Variants in PTPRJ observed in about 807,000 individuals in gnomAD.
PTPRJ encodes the protein protein tyrosine phosphatase receptor type J.
Under a neutral mutation model 141.3 loss-of-function variants are expected in PTPRJ, and 129 were observed. The observed-to-expected ratio is 0.91, with a 90% CI of 0.79 to 1.06. The LOEUF (loss-of-function observed/expected upper bound fraction) is 1.06. Among genes scored for constraint, PTPRJ ranks in the 50% least tolerant of loss-of-function variants. PTPRJ has a pLI of 0.00. For missense variants in PTPRJ, 1,601 were observed against 1,679.7 expected (o/e 0.95, Z 0.82); for synonymous variants, 610 against 640.5 (o/e 0.95, Z 0.72).
chr11:48,127,235 G>C (rs575733669), intron 6 of PTPRJ, among the ~76,000 whole-genome samples: 1 of 152,338 alleles, frequency 6.6e-6, no homozygotes, highest in South Asian at 2.1e-4. Context: ...GGGTGGAGTG[G>C]GCAGGTGGTG....
intron 8 of PTPRJ, chr11:48,132,624 A>G: frequency 1.1e-6 from 1 of 907,476 alleles, no homozygotes; most frequent in Non-Finnish European, 1.3e-6. Context: ...GCACACCAAC[A>G]TGGCACATGT....
In PTPRJ at chr11:48,127,853, C is replaced by A. The variant is rs766972348; in HGVS notation, c.1167C>A (p.Ser389Arg). The part of the protein sequence containing the change: ...ATSLTLIWKV[S>R]DNESSSNYTY... ...GCCTGACCCTGATCTGGAAAGTCAGCGATAACGAGTCGTCATCTAACTATA... is the reference window on the plus strand; with the variant it reads ...GCCTGACCCTGATCTGGAAAGTCAGAGATAACGAGTCGTCATCTAACTATA... The change falls in exon 7 of 25, where the codon AGC (serine) becomes AGA (arginine). Residue 389 changes from serine to arginine, a missense_variant. By Grantham distance (110) the Ser-to-Arg change is moderately radical. Transcript: ENST00000418331. 1 of 1,614,074 alleles carries A rather than the reference C, an allele frequency of 6.2e-7. No individual in the cohort carries two copies. The highest frequency in any genetic ancestry group is 8.5e-7 in the Non-Finnish European group (1 of 1,179,946).
intron 1 of PTPRJ, among the ~76,000 whole-genome samples, chr11:48,075,142 T>C (rs1565289871): frequency 6.6e-6 from 1 of 152,024 alleles, no homozygotes; most frequent in Non-Finnish European, 1.5e-5. Context: ...TTTATTTAGT[T>C]AGTTAGTTAG....
chr11:48,110,783 C>A (rs905375884), intron 2 of PTPRJ, among the ~76,000 whole-genome samples: 1 of 152,134 alleles, frequency 6.6e-6, no homozygotes, highest in Admixed American at 6.5e-5. Flanking sequence ...GAAAATGAGA[C>A]CTGGACTCCC....
chr11:48,052,008 A>T (rs1854583573), intron 1 of PTPRJ, among the ~76,000 whole-genome samples: 1 of 152,210 alleles, frequency 6.6e-6, no homozygotes, highest in South Asian at 2.1e-4. Context: ...GACAATAAAG[A>T]TCGATGATGA....
chr11:48,105,026 A>G (rs1295319393), intron 1 of PTPRJ, among the ~76,000 whole-genome samples: 1 of 152,148 alleles, frequency 6.6e-6, no homozygotes, highest in Non-Finnish European at 1.5e-5. Context: ...GAGATGATAA[A>G]TACAACATCT....
intron 1 of PTPRJ, among the ~76,000 whole-genome samples, chr11:48,088,153 A>C (rs1855765800): frequency 6.6e-6 from 1 of 152,158 alleles, no homozygotes; most frequent in African/African-American, 2.4e-5. Context: ...TGCTGTGTAC[A>C]CGCTTGGTCA....
intron 1 of PTPRJ, among the ~76,000 whole-genome samples, chr11:48,030,212 G>A (rs1853942698): frequency 6.6e-6 from 1 of 152,214 alleles, no homozygotes; most frequent in Non-Finnish European, 1.5e-5. Flanking sequence ...TTGGGCTTAT[G>A]TTACTTAGGA....
intron 4 of PTPRJ, 140 bp downstream of exon 4, chr11:48,121,406 C>A: frequency 2.1e-6 from 2 of 961,538 alleles, no homozygotes; most frequent in East Asian, 2.6e-5. Flanking sequence ...TATGTTGTTT[C>A]AAGCCTGGGA....
chr11:48,063,306 C>CA (rs1415754601), intron 1 of PTPRJ, among the ~76,000 whole-genome samples: 9 of 152,020 alleles, frequency 5.9e-5, no homozygotes, highest in Admixed American at 4.6e-4. Flanking sequence ...CCAGGCTGGG[C>CA]AACAGAGCAA....
At position 48,127,895 on chromosome 11, in the gene PTPRJ, G is replaced by T; in HGVS notation, c.1209G>T (p.Val403=). Residue 403 remains valine, a synonymous_variant, in exon 7 of 25, where the codon GTG becomes GTT. Transcript: ENST00000418331. Reference sequence around the variant, plus strand: ...CTAACTATACCTACAAGATACATGTGGCGGGGGAGACAGATTCTTCCAATC... The same window carrying T: ...CTAACTATACCTACAAGATACATGTTGCGGGGGAGACAGATTCTTCCAATC... ...SSSNYTYKIH[V]AGETDSSNLN... 3 of 1,614,196 alleles carry T rather than the reference G, an allele frequency of 1.9e-6. No homozygotes were observed. Among genetic ancestry groups the T allele is most frequent in the Non-Finnish European group, 2.5e-6 (3 of 1,180,024 alleles).
At chr11:48,147,002 A>C (rs1857368728) in intron 15 of PTPRJ, 39 bp downstream of exon 15, 1 of 1,550,806 alleles carries the variant, frequency 6.4e-7, no homozygotes, top group South Asian at 1.1e-5. Context: ...TCTGGTATTT[A>C]AGGAAGCTTT....
At chr11:47,981,151 C>A in intron 1 of PTPRJ, 143 bp downstream of exon 1, 1 of 873,820 alleles carries the variant, frequency 1.1e-6, no homozygotes, top group Non-Finnish European at 1.5e-6. Flanking sequence ...AGGCGACTTG[C>A]GGGGACCCCG....
At chr11:48,124,844 A>G (rs529631529) in intron 5 of PTPRJ, 124 bp from the exon 6 acceptor site, 13 of 853,604 alleles carry the variant, frequency 1.5e-5, no homozygotes, top group South Asian at 1.2e-4. Flanking sequence ...GGGAGCAGAT[A>G]TTGATGGAGC....
intron 1 of PTPRJ, among the ~76,000 whole-genome samples, chr11:48,080,586 T>C (rs557391373): frequency 6.6e-6 from 1 of 152,282 alleles, no homozygotes; most frequent in East Asian, 1.9e-4. Context: ...AGATGTGCAC[T>C]GAGTACCTGC....
At chr11:48,038,297 G>A (rs1854179080) in intron 1 of PTPRJ, among the ~76,000 whole-genome samples, 1 of 152,144 alleles carries the variant, frequency 6.6e-6, no homozygotes, top group Admixed American at 6.5e-5. Flanking sequence ...CCTGTCAAGA[G>A]TGTTGGCAGT....
chr11:48,131,294 G>A (rs976612430), intron 8 of PTPRJ, among the ~76,000 whole-genome samples: 4 of 151,788 alleles, frequency 2.6e-5, no homozygotes, highest in Non-Finnish European at 5.9e-5. Context: ...TATTGGCCAG[G>A]CTGGTCTTGA....
At chr11:48,148,164 G>C (rs1040849969) in intron 15 of PTPRJ, among the ~76,000 whole-genome samples, 6 of 152,050 alleles carry the variant, frequency 3.9e-5, no homozygotes, top group Middle Eastern at 3.2e-3. Context: ...TCTGATTTTG[G>C]GGGGGGAAAT....
chr11:48,027,791 C>CAAAAAA (rs750153282), intron 1 of PTPRJ, among the ~76,000 whole-genome samples: 4 of 32,900 alleles, frequency 1.2e-4, no homozygotes, highest in African/African-American at 2.1e-4. Flanking sequence ...ACTCTGTCTC[C>CAAAAAA]AAAAAAAAAA....
Sources: gnomAD v4.1 joint callset for allele counts (sites outside exome capture counted in the v4.1 genomes callset) on GRCh38, gnomAD v4.1.1 for gene constraint, MANE v1.5 for transcripts, NCBI Gene and HGNC (gene_info 2026-07-23, HGNC 2026-07-21) for gene names.